The following DCTN2 variants were observed in gnomAD, a reference collection of about 807,000 sequenced individuals.
DCTN2 encodes 50 kDa dynein-associated polypeptide.
Under a neutral mutation model 55.4 loss-of-function variants are expected in DCTN2, and 18 were observed. The ratio of observed to expected loss-of-function variants is 0.32; its 90% CI spans 0.22 to 0.48. DCTN2 has a LOEUF of 0.48. Ranked by LOEUF, DCTN2 falls within the 20% of genes least tolerant of loss-of-function variation. The probability of loss-of-function intolerance (pLI) is 0.99; values close to 1 mark genes in which losing one functional copy is unlikely to be tolerated. For missense variants in DCTN2, 390 were observed against 491.0 expected (o/e 0.79, Z 1.94); for synonymous variants, 168 against 185.2 (o/e 0.91, Z 0.76).
chr12:57,538,200 A>T, intron 2 of DCTN2: 1 of 451,860 alleles, frequency 2.2e-6, no homozygotes. Context: ...TCACAGGGAC[A>T]GAGAGCATTT....
At position 57,535,119 on chromosome 12, in the gene DCTN2, C is replaced by T; in HGVS notation, c.300G>A (p.Gln100=). The T allele has an allele frequency of 6.2e-7, 1 of 1,613,836 alleles. No homozygotes were observed. The highest frequency in any genetic ancestry group is 8.5e-7 in the Non-Finnish European group (1 of 1,179,854). ...CATGCAGTAGGCGCTGGTACTTTTG[C>T]TGGGGTGTCTCCTTCACTCCCAGAC... The part of the protein sequence containing the change: ...GEGLGVKETP[Q]QKYQRLLHEV... Residue 100 remains glutamine (Q), a synonymous_variant, in exon 5 of 14, where the codon CAG becomes CAA. Coordinates refer to ENST00000548249, the MANE Select transcript of DCTN2 (RefSeq NM_001261413.2).
intron 2 of DCTN2, among the ~76,000 whole-genome samples, chr12:57,544,571 C>T (rs531462481): frequency 2.0e-5 from 3 of 152,054 alleles, no homozygotes; most frequent in South Asian, 4.1e-4. Flanking sequence ...CTCGCCACCA[C>T]GCCTTGCTAA....
intron 2 of DCTN2, chr12:57,543,639 A>C: frequency 2.2e-6 from 1 of 448,654 alleles, no homozygotes. Context: ...GGCCAGAGAC[A>C]TTAGCTGACA....
intron 2 of DCTN2, among the ~76,000 whole-genome samples, chr12:57,542,534 C>A (rs1669309610): frequency 2.0e-5 from 3 of 152,018 alleles, no homozygotes; most frequent in Admixed American, 1.3e-4. Context: ...AATCTGGAGA[C>A]CCGGCTGGCA....
intron 2 of DCTN2, chr12:57,538,226 G>A (rs1035413347): frequency 4.0e-6 from 2 of 504,702 alleles, no homozygotes; most frequent in South Asian, 1.8e-5. Context: ...CCTGCTGTGG[G>A]AGAGTGTCCT....
chr12:57,535,740 CA>C lies in DCTN2; in HGVS notation c.202+8del. The C allele has an allele frequency of 6.2e-7, 1 of 1,611,552 alleles. No individual in the cohort carries two copies. The highest frequency in any genetic ancestry group is 8.5e-7 in the Non-Finnish European group (1 of 1,177,710). On this transcript the variant is annotated splice_region_variant and intron_variant, in intron 3 of 13. Coordinates refer to ENST00000548249, the MANE Select transcript of DCTN2 (RefSeq NM_001261413.2). ...TCTTCCCCCCACCCAGCTTCCAGCC[CA>C]GTCTCACCAAGTCCCTTTGTCCCCA...
At chr12:57,536,019 C>T in intron 2 of DCTN2, 174 bp from the exon 3 acceptor site, 1 of 600,216 alleles carries the variant, frequency 1.7e-6, no homozygotes, top group Non-Finnish European at 3.0e-6. Context: ...CTGAAGCTTC[C>T]TGGTAAATTT....
rs184823853 is a variant in DCTN2 at position 57,530,652 on chromosome 12, G to C, written c.*37C>G. 6.2e-5 allele frequency: 97 copies of C among 1,555,874 alleles called. 1 individual carries two copies. In the African/African-American group the frequency reaches 1.2e-3, roughly 19 times the overall value. On this transcript the variant is annotated 3_prime_UTR_variant, in exon 14 of 14. Transcript: ENST00000548249. Reference sequence around the variant, plus strand: ...TAAGCTGTTAACAGAGTTCACAGGGGTAGGGATAACCCCTGTTCTCCAGCT... The same window carrying C: ...TAAGCTGTTAACAGAGTTCACAGGGCTAGGGATAACCCCTGTTCTCCAGCT...
rs192583951 is a variant in DCTN2 at position 57,530,384 on chromosome 12, G to T, written c.*305C>A. On this transcript the variant is annotated 3_prime_UTR_variant, in exon 14 of 14. Transcript: ENST00000548249. ...GTCAGCCACAGAAGCTGTGTTGGGG[G>T]ACAAGACCCAATCCTTCCCCACACC... The T allele has an allele frequency of 9.3e-6, 3 of 323,714 alleles. No individual in the cohort carries two copies. Among genetic ancestry groups the T allele is most frequent in the Non-Finnish European group, 1.7e-5 (3 of 171,904 alleles). 20.1% of individuals were successfully genotyped at this position (323,714 alleles called of 1,614,324 possible). A position where few individuals can be genotyped will look rare whatever the true frequency, so the allele number is the denominator to read the frequency against.
Position 57,534,410 on chromosome 12 carries a change from CAG to C in DCTN2, c.404_405del (p.Pro135ArgfsTer5), listed in dbSNP as rs1483412171. 6.2e-7 allele frequency: 1 copy of C among 1,612,034 alleles called. No homozygotes were observed. The highest frequency in any genetic ancestry group is 1.7e-5 in the Admixed American group (1 of 59,900). The stretch of plus-strand genomic sequence containing the variant: ...GCTGCCAGCTGTTTAGCCAGCAACA[CAG>C]GGGTCAGCTTCTCCTCTGTGGCTGA... ...KESATEEKLTPVLLAKQLAAL... is the reference protein window; with the variant it reads ...KESATEEKLTXVLLAKQLAAL... On this transcript the variant is annotated frameshift_variant, in exon 6 of 14. Coordinates refer to ENST00000548249, the MANE Select transcript of DCTN2 (RefSeq NM_001261413.2). LOFTEE classifies it high-confidence loss of function.
chr12:57,545,555 A>G (rs1339700959), intron 2 of DCTN2, among the ~76,000 whole-genome samples: 1 of 152,110 alleles, frequency 6.6e-6, no homozygotes, highest in Non-Finnish European at 1.5e-5. Context: ...TTCTTCCTCA[A>G]ATTTGTTTTG....
intron 2 of DCTN2, among the ~76,000 whole-genome samples, chr12:57,541,784 T>A (rs1371685866): frequency 1.3e-5 from 2 of 152,096 alleles, no homozygotes; most frequent in African/African-American, 2.4e-5. Flanking sequence ...GGAATTCTAT[T>A]TGGGAATTAG....
At chr12:57,535,613 T>C (rs969533737) in intron 3 of DCTN2, 68 bp from the exon 4 acceptor site, 1 of 1,573,398 alleles carries the variant, frequency 6.4e-7, no homozygotes, top group African/African-American at 1.4e-5. Flanking sequence ...CTCAGGTGAC[T>C]GTGAGGGCTT....
intron 7 of DCTN2, among the ~76,000 whole-genome samples, chr12:57,533,679 G>A (rs1879952303): frequency 6.6e-6 from 1 of 151,918 alleles, no homozygotes; most frequent in South Asian, 2.1e-4. Flanking sequence ...GCTGAGGCAG[G>A]AGAATGGCGT....
In DCTN2 at chr12:57,535,174, G is replaced by A; in HGVS notation, c.265-20C>T. On this transcript the variant is annotated intron_variant, in intron 4 of 13. Coordinates refer to ENST00000548249, the MANE Select transcript of DCTN2 (RefSeq NM_001261413.2). The stretch of plus-strand genomic sequence containing the variant: ...TCCAAGCTAGAGAGCAGGCACAGAG[G>A]GTAATGTTATATGTCTCATTACAGG... 1.3e-6 allele frequency: 2 copies of A among 1,591,922 alleles called. No homozygotes were observed. The highest frequency in any genetic ancestry group is 1.7e-6 in the Non-Finnish European group (2 of 1,162,576).
intron 3 of DCTN2, 67 bp from the exon 4 acceptor site, chr12:57,535,612 C>T: frequency 6.3e-7 from 1 of 1,574,910 alleles, no homozygotes. Context: ...TCTCAGGTGA[C>T]TGTGAGGGCT....
chr12:57,545,884 C>T, intron 2 of DCTN2, 144 bp downstream of exon 2: 2 of 718,294 alleles, frequency 2.8e-6, no homozygotes, highest in Non-Finnish European at 4.6e-6. Context: ...CCAGCAAGGT[C>T]TTTGCAAGCC....
intron 2 of DCTN2, among the ~76,000 whole-genome samples, chr12:57,540,485 C>T (rs1032838458): frequency 2.6e-5 from 4 of 152,144 alleles, no homozygotes; most frequent in Admixed American, 6.5e-5. Context: ...GCCCTGGCCC[C>T]GGGTGCCAGC....
chr12:57,546,904 G>T, intron 1 of DCTN2, 124 bp downstream of exon 1: 1 of 824,292 alleles, frequency 1.2e-6, no homozygotes, highest in Non-Finnish European at 1.6e-6. Flanking sequence ...CGGAGAACGA[G>T]CGGCGGGAGC....
Sources: gnomAD v4.1 joint callset for allele counts (sites outside exome capture counted in the v4.1 genomes callset) on GRCh38, gnomAD v4.1.1 for gene constraint, MANE v1.5 for transcripts, NCBI Gene and HGNC (gene_info 2026-07-23, HGNC 2026-07-21) for gene names.